The following PLXNA3 variants were observed in gnomAD, a reference collection of about 807,000 sequenced individuals.
PLXNA3 encodes plexin-A3.
PLXNA3 carries 52 observed loss-of-function variants against 118.8 expected under a neutral mutation model. The observed-to-expected ratio is 0.44, with a 90% CI of 0.35 to 0.55. The LOEUF (loss-of-function observed/expected upper bound fraction) is 0.55. Among genes scored for constraint, PLXNA3 ranks in the 20% least tolerant of loss-of-function variants. The pLI, the probability that PLXNA3 is intolerant of heterozygous loss-of-function variation, is 0.01. For missense variants in PLXNA3, 1,660 were observed against 1,730.8 expected (o/e 0.96, Z 0.73); for synonymous variants, 925 against 762.4 (o/e 1.21, Z -3.51).
chrX:154,472,784 G>T lies in PLXNA3; in HGVS notation c.*99G>T. ...GCCTGGGTCCCCGGGCTGAGCCCTG[G>T]ATTGGGTATCGTGGGGCAGGTCACC... is the stretch of plus-strand genomic sequence containing the variant. On this transcript the variant is annotated 3_prime_UTR_variant, in exon 33 of 33. Transcript: ENST00000369682. 1 of 626,866 alleles carries T rather than the reference G, an allele frequency of 1.6e-6. No individual in the cohort carries two copies. The highest frequency in any genetic ancestry group is 2.7e-6 in the Non-Finnish European group (1 of 377,253). The allele number at this position is 626,866 out of a possible 1,213,427, so 51.7% of individuals were successfully genotyped here.
In PLXNA3 at chrX:154,461,295, GCATGTGCGCGGGAGACTCAGAGTTC is replaced by G; in HGVS notation, c.792_816del (p.Met265ThrfsTer97). On this transcript the variant is annotated frameshift_variant, in exon 3 of 33. Transcript: ENST00000369682. LOFTEE classifies it high-confidence loss of function. Reference sequence around the variant, plus strand: ...AAATTTTTCACGTCCAAGATCGTGCGCATGTGCGCGGGAGACTCAGAGTTCTACTCATACGTGGAATTCCCCATCG... The same window carrying G: ...AAATTTTTCACGTCCAAGATCGTGCGTACTCATACGTGGAATTCCCCATCG... 2 of 1,212,141 alleles carry G rather than the reference GCATGTGCGCGGGAGACTCAGAGTTC, an allele frequency of 1.6e-6. No individual in the cohort carries two copies. The highest frequency in any genetic ancestry group is 2.2e-6 in the Non-Finnish European group (2 of 895,359).
chrX:154,473,969 T>TA lies in PLXNA3; in HGVS notation c.*1286dup, dbSNP rs2069217671. On this transcript the variant is annotated 3_prime_UTR_variant, in exon 33 of 33. Coordinates refer to ENST00000369682, the MANE Select transcript of PLXNA3 (RefSeq NM_017514.5). Reference sequence around the variant, plus strand: ...GAGGCAGAGAGATCCTGTTATGATATAAGGTGGATCATGTTGCCTCACTGT... The same window carrying TA: ...GAGGCAGAGAGATCCTGTTATGATATAAAGGTGGATCATGTTGCCTCACTGT... 1 of 111,335 alleles carries TA rather than the reference T, an allele frequency of 9.0e-6. No homozygotes were observed. Among genetic ancestry groups the TA allele is most frequent in the African/African-American group, 3.3e-5 (1 of 30,559 alleles). The allele number at this position is 111,335 out of a possible 1,213,427, so 9.2% of individuals were successfully genotyped here.
chrX:154,465,949 G>A lies in PLXNA3; in HGVS notation c.2547G>A (p.Val849=), dbSNP rs1291433014. ...HPRITQIHPL[V]GPKEGGTRVT... is the part of the protein sequence containing the mutation. ...CTGCTCCACAGATCCACCCTCTCGT[G>A]GGGCCCAAGGAAGGAGGCACCCGGG... Residue 849 remains valine, a synonymous_variant, in exon 14 of 33, where the codon GTG becomes GTA. Coordinates refer to ENST00000369682, the MANE Select transcript of PLXNA3 (RefSeq NM_017514.5). 8.3e-7 allele frequency: 1 copy of A among 1,210,260 alleles called. No individual in the cohort carries two copies. Among genetic ancestry groups the A allele is most frequent in the African/African-American group, 1.7e-5 (1 of 57,470 alleles).
In PLXNA3 at chrX:154,460,696, C is replaced by T. The variant is rs140484283; in HGVS notation, c.513C>T (p.Val171=). 280 of 1,148,292 alleles carry T rather than the reference C, an allele frequency of 2.4e-4. No homozygotes were observed. The highest frequency in any genetic ancestry group is 7.3e-4 in the Middle Eastern group (3 of 4,092). The allele number at this position is 1,148,292 out of a possible 1,213,427, so 94.6% of individuals were successfully genotyped here. A position where few individuals can be genotyped will look rare whatever the true frequency, so the allele number is the denominator to read the frequency against. ...GCAAGCTGTTTGTGGGCACTGCTGT[C>T]GACGGCAAGTCGGAGTACTTCCCCA... The part of the protein sequence containing the change: ...GPSKLFVGTA[V]DGKSEYFPTL... Residue 171 remains valine (V), a synonymous_variant, in exon 2 of 33, where the codon GTC becomes GTT. Transcript: ENST00000369682.
chrX:154,472,505 G>A (rs971948861), intron 32 of PLXNA3, 85 bp from the exon 33 acceptor site: 3 of 623,822 alleles, frequency 4.8e-6, no homozygotes, highest in Non-Finnish European at 8.2e-6. Flanking sequence ...GTGGGAGGGA[G>A]GAGCCCAGCT....
rs376881188 is a variant in PLXNA3 at position 154,460,993 on chromosome X, C to T, written c.595-106C>T. On this transcript the variant is annotated intron_variant, in intron 2 of 32. Transcript: ENST00000369682. Reference sequence around the variant, plus strand: ...CCTCTGCAGCCTTTCTGGCCTGGGCCTCTGTGATCATCCAGGCGGGAGGGG... The same window carrying T: ...CCTCTGCAGCCTTTCTGGCCTGGGCTTCTGTGATCATCCAGGCGGGAGGGG... 19 of 800,248 alleles carry T rather than the reference C, an allele frequency of 2.4e-5. No individual in the cohort carries two copies. In the African/African-American group the frequency reaches 3.7e-4, roughly 16 times the overall value. The allele number at this position is 800,248 out of a possible 1,213,427, so 65.9% of individuals were successfully genotyped here.
chrX:154,475,666 G>A lies in PLXNA3; in HGVS notation c.*2981G>A, dbSNP rs1300596800. 8.9e-6 allele frequency: 1 copy of A among 112,665 alleles called. No homozygotes were observed. Among genetic ancestry groups the A allele is most frequent in the Non-Finnish European group, 1.9e-5 (1 of 53,322 alleles). 9.3% of individuals were successfully genotyped at this position (112,665 alleles called of 1,213,427 possible). On this transcript the variant is annotated 3_prime_UTR_variant, in exon 33 of 33. Transcript: ENST00000369682. ...ACTGGATTGTAGCCCAGGATAAAGAGAAGTTGCGGGATGACAGCTGTGCCG... is the reference window on the plus strand; with the variant it reads ...ACTGGATTGTAGCCCAGGATAAAGAAAAGTTGCGGGATGACAGCTGTGCCG...
At position 154,468,657 on chromosome X, in the gene PLXNA3, C is replaced by T. The variant is rs1557208333; in HGVS notation, c.4221-6C>T. 1 of 1,211,506 alleles carries T rather than the reference C, an allele frequency of 8.3e-7. No homozygotes were observed. Among genetic ancestry groups the T allele is most frequent in the East Asian group, 3.0e-5 (1 of 33,875 alleles). On this transcript the variant is annotated splice_region_variant and splice_polypyrimidine_tract_variant and intron_variant, in intron 23 of 32. Transcript: ENST00000369682. Reference sequence around the variant, plus strand: ...GCCAGGCCCGAGCCCCCTTCTCTTGCCCTAGGACAGAGTCAGTGGCTGAGA... The same window carrying T: ...GCCAGGCCCGAGCCCCCTTCTCTTGTCCTAGGACAGAGTCAGTGGCTGAGA...
In PLXNA3 at chrX:154,463,541, G is replaced by A. The variant is rs782402621; in HGVS notation, c.1446+22G>A. 61 of 1,175,605 alleles carry A rather than the reference G, an allele frequency of 5.2e-5. 1 individual carries two copies. In the Middle Eastern group the frequency reaches 1.3e-3, roughly 24 times the overall value. On this transcript the variant is annotated intron_variant, in intron 5 of 32. Coordinates refer to ENST00000369682, the MANE Select transcript of PLXNA3 (RefSeq NM_017514.5). ...GCAGGTGGGCCTGTGGTGGGTGGCG[G>A]TGGGTGGTGGGGCGGGGGTGGGCTG... is the stretch of plus-strand genomic sequence containing the variant.
rs782740020 is a variant in PLXNA3 at position 154,468,155 on chromosome X, C to T, written c.3894C>T (p.Asp1298=). 5.9e-6 allele frequency: 7 copies of T among 1,193,038 alleles called. No homozygotes were observed. In the East Asian group the frequency reaches 1.5e-4, roughly 25 times the overall value. Reference sequence around the variant, plus strand: ...ACGAGGTGCAGATCCCCTTCCTGGACTACCGGACTTACGCCGTGCGCGTGC... The same window carrying T: ...ACGAGGTGCAGATCCCCTTCCTGGATTACCGGACTTACGCCGTGCGCGTGC... ...HMDEVQIPFL[D]YRTYAVRVLF... is the part of the protein sequence containing the mutation. The change falls in exon 22 of 33, where the codon GAC becomes GAT. Residue 1298 remains aspartate (D), a synonymous_variant. Transcript: ENST00000369682.
chrX:154,474,968 T>C lies in PLXNA3; in HGVS notation c.*2283T>C, dbSNP rs1557210618. 1 of 99,963 alleles carries C rather than the reference T, an allele frequency of 1.0e-5. No homozygotes were observed. The highest frequency in any genetic ancestry group is 2.1e-5 in the Non-Finnish European group (1 of 48,742). 8.2% of individuals were successfully genotyped at this position (99,963 alleles called of 1,213,427 possible). A position where few individuals can be genotyped will look rare whatever the true frequency, so the allele number is the denominator to read the frequency against. Reference sequence around the variant, plus strand: ...ATACCCAGCTGTTTTTTGTTTTTTTTTTTTTTCTTTAGTAGAGATGGAGTC... The same window carrying C: ...ATACCCAGCTGTTTTTTGTTTTTTTCTTTTTTCTTTAGTAGAGATGGAGTC... On this transcript the variant is annotated 3_prime_UTR_variant, in exon 33 of 33. Coordinates refer to ENST00000369682, the MANE Select transcript of PLXNA3 (RefSeq NM_017514.5).
chrX:154,468,248 C>A (rs1018993663), intron 22 of PLXNA3, 24 bp downstream of exon 22: 25 of 1,180,063 alleles, frequency 2.1e-5, no homozygotes, highest in Non-Finnish European at 2.5e-5. Context: ...TGGCCTGCCC[C>A]CCACCATTCC....
At chrX:154,460,078 G>A (rs1339123558) in intron 1 of PLXNA3, 79 bp from the exon 2 acceptor site, 1 of 546,240 alleles carries the variant, frequency 1.8e-6, no homozygotes, top group African/African-American at 2.3e-5. Context: ...GCCATCTGGG[G>A]CTTTGGCGGG....
chrX:154,469,769 T>G lies in PLXNA3; in HGVS notation c.4780T>G (p.Ser1594Ala), dbSNP rs782378742. The G allele has an allele frequency of 4.1e-6, 5 of 1,208,346 alleles. No homozygotes were observed. Among genetic ancestry groups the G allele is most frequent in the Non-Finnish European group, 3.4e-6 (3 of 892,252 alleles). ...NMANSFTFTR[S>A]LSRYESLLRT... ...GGCCAACTCCTTCACCTTCACCCGC[T>G]CCCTCAGCCGCTACGGTAGGTGTCC... is the stretch of plus-strand genomic sequence containing the variant. The change falls in exon 28 of 33, where the codon TCC becomes GCC. Residue 1594 changes from serine to alanine, a missense_variant. This residue lies in a region of PLXNA3 where 869 missense variants were observed against 1,078.7 expected (regional missense o/e 0.81). Transcript: ENST00000369682.
intron 22 of PLXNA3, 29 bp from the exon 23 acceptor site, chrX:154,468,274 C>G (rs1300561042): frequency 8.4e-7 from 1 of 1,190,169 alleles, no homozygotes; most frequent in African/African-American, 1.8e-5. Context: ...GGGCCGCCCC[C>G]ACCCTCTGAG....
chrX:154,471,772 G>A (rs2069187203), intron 32 of PLXNA3, 134 bp downstream of exon 32: 1 of 546,081 alleles, frequency 1.8e-6, no homozygotes, highest in South Asian at 3.4e-5. Context: ...CGGCACAGGT[G>A]ATGCTCTCTG....
At chrX:154,470,277 C>A in intron 29 of PLXNA3, 110 bp downstream of exon 29, 1 of 936,129 alleles carries the variant, frequency 1.1e-6, no homozygotes, top group African/African-American at 1.9e-5. Context: ...CGGGTCTTTG[C>A]TGTGGGAACT....
intron 12 of PLXNA3, 30 bp from the exon 13 acceptor site, chrX:154,465,627 C>T (rs1161790186): frequency 1.7e-6 from 2 of 1,198,852 alleles, no homozygotes; most frequent in Non-Finnish European, 1.1e-6. Context: ...CCACTGCCTG[C>T]TCCGTCAGCA....
At chrX:154,463,771 C>T (rs2069021879) in intron 6 of PLXNA3, 81 bp downstream of exon 6, 20 of 972,538 alleles carry the variant, frequency 2.1e-5, no homozygotes, top group Middle Eastern at 3.8e-4. Context: ...CGTGCCCTTG[C>T]GGCCTCCCCC....
Sources: allele counts gnomAD v4.1 joint callset, GRCh38; gene constraint gnomAD v4.1.1; regional missense constraint gnomAD v4.1.1; transcripts MANE v1.5; gene names NCBI Gene and HGNC (gene_info 2026-07-23, HGNC 2026-07-21).